The following DND1 variants were observed in gnomAD, a reference collection of about 807,000 sequenced individuals.
DND1 encodes the protein DND microRNA-mediated repression inhibitor 1, also known as dead end protein homolog 1.
A neutral mutation model predicts 30.4 loss-of-function variants in DND1; 6 were observed. That is an observed-to-expected ratio of 0.20 (90% CI 0.11 to 0.39). The LOEUF (loss-of-function observed/expected upper bound fraction) is 0.39, where lower values mean the gene tolerates loss of function less well. Ranked by LOEUF, DND1 falls within the 10% of genes least tolerant of loss-of-function variation. The probability of loss-of-function intolerance (pLI) is 1.00; values close to 1 mark genes in which losing one functional copy is unlikely to be tolerated. For missense variants in DND1, 358 were observed against 474.9 expected, an observed-to-expected ratio of 0.75 and a Z score of 2.29; for synonymous variants, 178 against 210.4, an observed-to-expected ratio of 0.85 and a Z score of 1.33.
Position 140,671,583 on chromosome 5 carries a change from T to C in DND1, c.772A>G (p.Thr258Ala). ...ATTCGTTGGCACAGCAACTGCAGGG[T>C]AGCCCGAGCCCCTTGGAACCCTAAC... Reference protein sequence around the residue: ...DKLGFQGARATLQLLCQRMKL... With the variant: ...DKLGFQGARAALQLLCQRMKL... Residue 258 changes from threonine (T) to alanine (A), a missense_variant, in exon 4 of 4, where the codon ACC (threonine) becomes GCC (alanine). Thr to Ala is a moderately conservative substitution (Grantham distance 58). Coordinates refer to ENST00000542735, the MANE Select transcript of DND1 (RefSeq NM_194249.3). 1 of 1,567,438 alleles carries C rather than the reference T, an allele frequency of 6.4e-7. No individual in the cohort carries two copies.
chr5:140,672,088 A>AT (rs1758094990), intron 3 of DND1: 4 of 542,974 alleles, frequency 7.4e-6, no homozygotes, highest in Non-Finnish European at 1.3e-5. Flanking sequence ...CTTAATTCTC[A>AT]TAACAGTCTG....
At chr5:140,672,987 GA>G in intron 2 of DND1, 81 bp from the exon 3 acceptor site, 2 of 1,453,002 alleles carry the variant, frequency 1.4e-6, no homozygotes, top group Non-Finnish European at 1.9e-6. Flanking sequence ...GCGGGGGTGG[GA>G]GGCGATGTGA....
chr5:140,672,989 G>A (rs1180763733), intron 2 of DND1, 83 bp from the exon 3 acceptor site: 20 of 1,451,006 alleles, frequency 1.4e-5, no homozygotes, highest in East Asian at 2.5e-5. Flanking sequence ...GGGGGTGGGA[G>A]GCGATGTGAA....
At chr5:140,672,398 C>A (rs2530243) in intron 3 of DND1, 47 bp downstream of exon 3, 1 of 1,536,770 alleles carries the variant, frequency 6.5e-7, no homozygotes, top group South Asian at 1.2e-5. Flanking sequence ...TATAAAGTGC[C>A]GGGCAGAACG....
In DND1 at chr5:140,672,548, C is replaced by G. The variant is rs1758113944; in HGVS notation, c.501G>C (p.Glu167Asp). 7 of 1,588,266 alleles carry G rather than the reference C, an allele frequency of 4.4e-6. No individual in the cohort carries two copies. Among genetic ancestry groups the G allele is most frequent in the Non-Finnish European group, 6.0e-6 (7 of 1,172,384 alleles). The change falls in exon 3 of 4, where the codon GAG (glutamate) becomes GAC (aspartate). Residue 167 changes from glutamate to aspartate, a missense_variant. Glu to Asp is a conservative substitution (Grantham distance 45). Transcript: ENST00000542735. ...GTCCGGGGCTGGGCAGCAGCCGCGC[C>G]TCCTGCAAGCCGGGACCCAGCGGCT... is the stretch of plus-strand genomic sequence containing the variant. ...ALQPLGPGLQ[E>D]ARLLPSPGPA...
chr5:140,673,281 C>T lies in DND1; in HGVS notation c.132G>A (p.Gly44=). The change falls in exon 2 of 4, where the codon GGG becomes GGA. Residue 44 remains glycine, a synonymous_variant. Transcript: ENST00000542735. ...CTGGGACTACCGTACCTGGGGGTGGCCCGCCATACTTCCTCTGCCCGTTCA... is the reference window on the plus strand; with the variant it reads ...CTGGGACTACCGTACCTGGGGGTGGTCCGCCATACTTCCTCTGCCCGTTCA... ...VQVNGQRKYG[G]PPPGWVGSPP... The T allele has an allele frequency of 6.2e-7, 1 of 1,613,656 alleles. No individual in the cohort carries two copies. The highest frequency in any genetic ancestry group is 8.5e-7 in the Non-Finnish European group (1 of 1,179,974).
rs1232601539 is a variant in DND1 at position 140,673,252 on chromosome 5, G to A, written c.142+19C>T. On this transcript the variant is annotated intron_variant, in intron 2 of 3. Transcript: ENST00000542735. The stretch of plus-strand genomic sequence containing the variant: ...GGGCTGGTGTAGCCGGACAGGCGGA[G>A]GGGCTGGGACTACCGTACCTGGGGG... 2.5e-6 allele frequency: 4 copies of A among 1,612,082 alleles called. No individual in the cohort carries two copies. The East Asian group carries it at 6.7e-5, about 27-fold the overall frequency.
rs1219569599 is a variant in DND1 at position 140,673,157 on chromosome 5, T to TG, written c.142+113dup. ...CGTGGAGCCACAGTTCCTCCTTTGCTGGGGGGTATAAATCCGGGTAGTTCG... is the reference window on the plus strand; with the variant it reads ...CGTGGAGCCACAGTTCCTCCTTTGCTGGGGGGGTATAAATCCGGGTAGTTCG... On this transcript the variant is annotated intron_variant, in intron 2 of 3. Transcript: ENST00000542735. The TG allele has an allele frequency of 4.0e-6, 5 of 1,244,494 alleles. No individual in the cohort carries two copies. The African/African-American group carries it at 4.4e-5, about 11-fold the overall frequency. The allele number at this position is 1,244,494 out of a possible 1,614,324, so 77.1% of individuals were successfully genotyped here.
At position 140,673,552 on chromosome 5, in the gene DND1, GCTGGCCCC is replaced by G. The variant is rs1561996759; in HGVS notation, c.-18_-11del. The G allele has an allele frequency of 6.4e-7, 1 of 1,573,554 alleles. No homozygotes were observed. Among genetic ancestry groups the G allele is most frequent in the African/African-American group, 1.4e-5 (1 of 73,730 alleles). ...CCCGCTTGGACTGCATGGCTCTCCAGCTGGCCCCCTCGTACCCTCTTTATAACTTCCTC... is the reference window on the plus strand; with the variant it reads ...CCCGCTTGGACTGCATGGCTCTCCAGCTCGTACCCTCTTTATAACTTCCTC... On this transcript the variant is annotated 5_prime_UTR_variant, in exon 1 of 4. Coordinates refer to ENST00000542735, the MANE Select transcript of DND1 (RefSeq NM_194249.3).
In DND1 at chr5:140,672,623, A is replaced by G; in HGVS notation, c.426T>C (p.Val142=). The change falls in exon 3 of 4, where the codon GTT becomes GTC. Residue 142 remains valine, a synonymous_variant. Transcript: ENST00000542735. ...GGGTCAGATTCGGCGGCAGGCCGTC[A>G]ACGCTCAGCTCACACTTCTCGGTGC... is the stretch of plus-strand genomic sequence containing the variant. ...CRSTEKCELS[V]DGLPPNLTRS... is the part of the protein sequence containing the mutation. 6.4e-7 allele frequency: 1 copy of G among 1,567,570 alleles called. No individual in the cohort carries two copies. The highest frequency in any genetic ancestry group is 8.6e-7 in the Non-Finnish European group (1 of 1,164,652).
In DND1 at chr5:140,671,333, C is replaced by T; in HGVS notation, c.1022G>A (p.Trp341Ter). Residue 341 changes from tryptophan (W) to a stop codon, truncating the protein, a stop_gained, in exon 4 of 4, where the codon TGG (tryptophan) becomes TAG (stop). Transcript: ENST00000542735. LOFTEE classifies it high-confidence loss of function. The part of the protein sequence containing the change: ...ALSESGANLL[W>*]SAGAEAGTMV... ...GGTACCTGCCTCAGCCCCAGCAGACCACAGGAGGTTGGCCCCAGACTCACT... is the reference window on the plus strand; with the variant it reads ...GGTACCTGCCTCAGCCCCAGCAGACTACAGGAGGTTGGCCCCAGACTCACT... The T allele has an allele frequency of 6.2e-7, 1 of 1,612,894 alleles. No individual in the cohort carries two copies. Among genetic ancestry groups the T allele is most frequent in the Middle Eastern group, 1.7e-4 (1 of 5,974 alleles).
In DND1 at chr5:140,672,672, G is replaced by T. The variant is rs759115421; in HGVS notation, c.377C>A (p.Ser126Tyr). ...GCTGCGGCACACGAGCAGCGGGCAG[G>T]ACGGCCGCAGCGGATGGTTGTGCAG... ...ATLHNHPLRP[S>Y]CPLLVCRSTE... Residue 126 changes from serine to tyrosine, a missense_variant, in exon 3 of 4, where the codon TCC becomes TAC. Physicochemically the swap from Ser to Tyr is moderately radical, Grantham distance 144. This residue lies in a region of DND1 where 120 missense variants were observed against 199.1 expected (regional missense o/e 0.60). Transcript: ENST00000542735. The T allele has an allele frequency of 2.5e-6, 4 of 1,577,104 alleles. No homozygotes were observed. In the African/African-American group the frequency reaches 4.0e-5, roughly 16 times the overall value.
In DND1 at chr5:140,671,629, C is replaced by G. The variant is rs1758077220; in HGVS notation, c.726G>C (p.Gln242His). The change falls in exon 4 of 4, where the codon CAG becomes CAC. Residue 242 changes from glutamine (Q) to histidine (H), a missense_variant. Gln to His is a conservative substitution (Grantham distance 24, BLOSUM62 0). Around this residue, in one of 3 missense-constraint regions of DND1, gnomAD observed 176 missense variants for 235.2 expected, o/e 0.75. Transcript: ENST00000542735. ...CTAACTTGTCCCTTGCCAAAGCCAA[C>G]TGGCTGCCCTCTGGCTGTGGGGACC... ...FLRSPQPEGS[Q>H]LALARDKLGF... 3 of 1,576,028 alleles carry G rather than the reference C, an allele frequency of 1.9e-6. No individual in the cohort carries two copies. Among genetic ancestry groups the G allele is most frequent in the East Asian group, 2.3e-5 (1 of 43,186 alleles).
Position 140,671,765 on chromosome 5 carries a change from C to G in DND1, c.605-15G>C. 2.6e-6 allele frequency: 4 copies of G among 1,560,208 alleles called. No individual in the cohort carries two copies. Among genetic ancestry groups the G allele is most frequent in the Non-Finnish European group, 3.5e-6 (4 of 1,151,334 alleles). On this transcript the variant is annotated splice_polypyrimidine_tract_variant and intron_variant, in intron 3 of 3. Transcript: ENST00000542735. ...GTGTGACTGCCCTGTAGGAAAAATGCAAAGACAAGGGCAGGTCTAAACCCT... is the reference window on the plus strand; with the variant it reads ...GTGTGACTGCCCTGTAGGAAAAATGGAAAGACAAGGGCAGGTCTAAACCCT...
rs749130710 is a variant in DND1, at chr5:140,673,394, A to G, written c.25-6T>C. ...TTCACCCTCTCACACCACAGCTGAG[A>G]GGGAAAGGAAGGTTGGAATGGCGGA... On this transcript the variant is annotated splice_region_variant and splice_polypyrimidine_tract_variant and intron_variant, in intron 1 of 3. Coordinates refer to ENST00000542735, the MANE Select transcript of DND1 (RefSeq NM_194249.3). 1.9e-6 allele frequency: 3 copies of G among 1,613,886 alleles called. No homozygotes were observed. Among genetic ancestry groups the G allele is most frequent in the Non-Finnish European group, 1.7e-6 (2 of 1,179,896 alleles).
rs770818185 is a variant in DND1 at position 140,671,307 on chromosome 5, T to C, written c.1048A>G (p.Met350Val). The change falls in exon 4 of 4, where the codon ATG (methionine) becomes GTG (valine). Residue 350 changes from methionine to valine, a missense_variant. Met to Val is a conservative substitution (Grantham distance 21). Coordinates refer to ENST00000542735, the MANE Select transcript of DND1 (RefSeq NM_194249.3). ...LWSAGAEAGTMVKQ is the reference protein window; with the variant it reads ...LWSAGAEAGTVVKQ ...AAAGAATGGAGTCACTGTTTAACCA[T>C]GGTACCTGCCTCAGCCCCAGCAGAC... is the stretch of plus-strand genomic sequence containing the variant. 1.4e-5 allele frequency: 22 copies of C among 1,612,776 alleles called. No individual in the cohort carries two copies. The Middle Eastern group carries it at 5.0e-4, about 37-fold the overall frequency.
Position 140,671,343 on chromosome 5 carries a change from T to G in DND1, c.1012A>C (p.Asn338His), listed in dbSNP as rs562782882. 1.9e-6 allele frequency: 3 copies of G among 1,612,876 alleles called. No individual in the cohort carries two copies. The highest frequency in any genetic ancestry group is 1.7e-5 in the Admixed American group (1 of 60,022). ...TCAGCCCCAGCAGACCACAGGAGGT[T>G]GGCCCCAGACTCACTGAGTGCCTGC... ...LLQALSESGA[N>H]LLWSAGAEAG... Residue 338 changes from asparagine to histidine, a missense_variant, in exon 4 of 4, where the codon AAC becomes CAC. Physicochemically the swap from Asn to His is moderately conservative, Grantham distance 68 (BLOSUM62 1). This residue lies in a region of DND1 where 176 missense variants were observed against 235.2 expected (regional missense o/e 0.75). Coordinates refer to ENST00000542735, the MANE Select transcript of DND1 (RefSeq NM_194249.3).
Position 140,672,522 on chromosome 5 carries a change from G to A in DND1, c.527C>T (p.Pro176Leu). 2.0e-5 allele frequency: 32 copies of A among 1,593,260 alleles called. No homozygotes were observed. The highest frequency in any genetic ancestry group is 2.6e-5 in the Non-Finnish European group (31 of 1,173,456). The change falls in exon 3 of 4, where the codon CCG becomes CTG. Residue 176 changes from proline to leucine, a missense_variant. Pro to Leu is a moderately conservative substitution (Grantham distance 98). This residue lies in a region of DND1 where 176 missense variants were observed against 235.2 expected (regional missense o/e 0.75). Transcript: ENST00000542735. ...QEARLLPSPGPAPGQIALLKF... is the reference protein window; with the variant it reads ...QEARLLPSPGLAPGQIALLKF... ...GAGCAGAGCGATCTGCCCGGGCGCC[G>A]GTCCGGGGCTGGGCAGCAGCCGCGC...
Position 140,671,764 on chromosome 5 carries a change from G to A in DND1, c.605-14C>T, listed in dbSNP as rs1178671088. ...GGTGTGACTGCCCTGTAGGAAAAAT[G>A]CAAAGACAAGGGCAGGTCTAAACCC... On this transcript the variant is annotated splice_polypyrimidine_tract_variant and intron_variant, in intron 3 of 3. Transcript: ENST00000542735. The A allele has an allele frequency of 1.3e-6, 2 of 1,560,124 alleles. No individual in the cohort carries two copies. Among genetic ancestry groups the A allele is most frequent in the Admixed American group, 1.9e-5 (1 of 51,660 alleles).
Sources: gnomAD v4.1 joint callset for allele counts on GRCh38, gnomAD v4.1.1 for gene constraint, gnomAD v4.1.1 regional missense constraint, MANE v1.5 for transcripts, NCBI Gene and HGNC (gene_info 2026-07-23, HGNC 2026-07-21) for gene names.